The following CCDC141 variants were observed in gnomAD, a reference collection of about 807,000 sequenced individuals.
The protein encoded by CCDC141 is coiled-coil domain containing 141, also known as coiled-coil domain-containing protein 141.
A neutral mutation model predicts 181.0 loss-of-function variants in CCDC141; 168 were observed. The ratio of observed to expected loss-of-function variants is 0.93; its 90% confidence interval spans 0.82 to 1.05. The LOEUF is 1.05. CCDC141 is among the 50% of genes least tolerant of loss of function. The pLI, the probability that CCDC141 is intolerant of heterozygous loss-of-function variation, is 0.00. For missense variants in CCDC141, 1,902 were observed against 1,788.5 expected, an observed-to-expected ratio of 1.06 and a Z score of -1.14; for synonymous variants, 666 against 642.3, an observed-to-expected ratio of 1.04 and a Z score of -0.56.
Position 178,882,582 on chromosome 2 carries a change from AT to A in CCDC141, c.1719+2318del, listed in dbSNP as rs538458666. The stretch of plus-strand genomic sequence containing the variant: ...CAAGGCCATTATTCTCAATGGCTTC[AT>A]TTTTTTTTTCAGGGACGTATGAGTT... On this transcript the variant is annotated intron_variant, in intron 11 of 23. Transcript: ENST00000443758. Among the ~76,000 whole-genome samples, 293 of 149,672 alleles carry A rather than the reference AT, an allele frequency of 2.0e-3. 6 individuals carry two copies. The South Asian group carries it at 0.021, about 10-fold the overall frequency.
chr2:178,909,593 T>C (rs772106878), intron 7 of CCDC141, among the ~76,000 whole-genome samples: 1 of 152,220 alleles, frequency 6.6e-6, no homozygotes, highest in Non-Finnish European at 1.5e-5. Flanking sequence ...ATCTCTCTTA[T>C]TCCCATGCAG....
At position 178,865,826 on chromosome 2, in the gene CCDC141, A is replaced by G; in HGVS notation, c.2665T>C (p.Tyr889His). The G allele has an allele frequency of 1.2e-6, 2 of 1,605,778 alleles. No homozygotes were observed. Among genetic ancestry groups the G allele is most frequent in the South Asian group, 2.2e-5 (2 of 89,768 alleles). Residue 889 changes from tyrosine (Y) to histidine (H), a missense_variant, in exon 17 of 24, where the codon TAT becomes CAT. Physicochemically the swap from Tyr to His is moderately conservative, Grantham distance 83. Coordinates refer to ENST00000443758, the MANE Select transcript of CCDC141 (RefSeq NM_173648.4). ...SMKWRAKAEEYGRTLSRSVEY... is the reference protein window; with the variant it reads ...SMKWRAKAEEHGRTLSRSVEY... ...ACACTACGGGACAGGGTCCGTCCAT[A>G]CTCCTCAGCTTTGGCACGCCACTTC...
At position 179,015,284 on chromosome 2, in the gene CCDC141, C is replaced by CTCATATATCTCATCTATA. The variant is rs1559049283; in HGVS notation, c.225+31999_225+32000insTATAGATGAGATATATGA. On this transcript the variant is annotated intron_variant, in intron 2 of 23. Coordinates refer to ENST00000443758, the MANE Select transcript of CCDC141 (RefSeq NM_173648.4). ...TATATCATATATATCTCATCTATCTCTCATATATCTCATATATGTATCATA... is the reference window on the plus strand; with the variant it reads ...TATATCATATATATCTCATCTATCTCTCATATATCTCATCTATATCATATATCTCATATATGTATCATA... Among the ~76,000 whole-genome samples the CTCATATATCTCATCTATA allele has an allele frequency of 7.2e-5, 8 of 111,784 alleles. 1 individual carries two copies. The highest frequency in any genetic ancestry group is 1.1e-4 in the Non-Finnish European group (6 of 53,792). 73.3% of individuals were successfully genotyped at this position (111,784 alleles called of 152,430 possible). A position where few individuals can be genotyped will look rare whatever the true frequency, so the allele number is the denominator to read the frequency against.
rs71023466 is a variant in CCDC141, at chr2:179,027,646, C to CAAAA, written c.225+19634_225+19637dup. Among the ~76,000 whole-genome samples, 227 of 53,258 alleles carry CAAAA rather than the reference C, an allele frequency of 4.3e-3. 20 individuals carry two copies. The highest frequency in any genetic ancestry group is 0.015 in the African/African-American group (212 of 14,448). The allele number at this position is 53,258 out of a possible 152,430, so 34.9% of individuals were successfully genotyped here. A position where few individuals can be genotyped will look rare whatever the true frequency, so the allele number is the denominator to read the frequency against. On this transcript the variant is annotated intron_variant, in intron 2 of 23. Transcript: ENST00000443758. ...GGCAACAGAGTGAGACTCTTACTCT[C>CAAAA]AAAAAAAAAAAAAAAAAAAAAAAAA...
At chr2:178,918,948 T>C in intron 6 of CCDC141, 41 bp from the exon 7 acceptor site, 1 of 1,501,412 alleles carries the variant, frequency 6.7e-7, no homozygotes, top group South Asian at 1.3e-5. Flanking sequence ...ATCTCCTCTG[T>C]TATGGACCGA....
intron 2 of CCDC141, among the ~76,000 whole-genome samples, chr2:179,041,997 A>G (rs2043321657): frequency 6.6e-6 from 1 of 152,192 alleles, no homozygotes; most frequent in South Asian, 2.1e-4. Flanking sequence ...ACAATATTAG[A>G]TCATTGACAG....
intron 2 of CCDC141, among the ~76,000 whole-genome samples, chr2:179,030,685 AAT>A (rs2042976547): frequency 6.6e-6 from 1 of 152,120 alleles, no homozygotes; most frequent in Admixed American, 6.5e-5. Flanking sequence ...AAATAATTGG[AAT>A]AGTTACTACA....
intron 2 of CCDC141, among the ~76,000 whole-genome samples, chr2:178,979,711 G>A (rs1354878472): frequency 6.6e-6 from 1 of 152,144 alleles, no homozygotes; most frequent in East Asian, 1.9e-4. Context: ...AAAAATCACT[G>A]ATGCTTTAAA....
At chr2:178,893,838 C>A (rs1687280045) in intron 8 of CCDC141, among the ~76,000 whole-genome samples, 1 of 151,890 alleles carries the variant, frequency 6.6e-6, no homozygotes, top group Admixed American at 6.6e-5. Context: ...CACACACACA[C>A]ACACACACAC....
At chr2:178,910,889 A>C (rs1688190824) in intron 7 of CCDC141, among the ~76,000 whole-genome samples, 1 of 152,224 alleles carries the variant, frequency 6.6e-6, no homozygotes, top group African/African-American at 2.4e-5. Context: ...ACTGGAATAA[A>C]AGAGGTTTGG....
intron 5 of CCDC141, among the ~76,000 whole-genome samples, chr2:178,957,288 T>TC (rs1690202962): frequency 6.6e-6 from 1 of 152,230 alleles, no homozygotes; most frequent in African/African-American, 2.4e-5. Flanking sequence ...TGCACTTATT[T>TC]CATTTAATCC....
intron 2 of CCDC141, among the ~76,000 whole-genome samples, chr2:179,009,426 T>C (rs1158216158): frequency 6.6e-6 from 1 of 152,130 alleles, no homozygotes; most frequent in African/African-American, 2.4e-5. Context: ...TGAAGGCTGT[T>C]GTTCAGATTC....
intron 20 of CCDC141, among the ~76,000 whole-genome samples, chr2:178,853,217 A>G (rs1316443447): frequency 6.6e-6 from 1 of 152,230 alleles, no homozygotes; most frequent in Non-Finnish European, 1.5e-5. Flanking sequence ...GAAGGCTTAC[A>G]CAAAGTAGGT....
At chr2:178,816,340 A>G in the CCDC141 span, among the ~76,000 whole-genome samples, 3 of 152,332 alleles carry the variant, frequency 2.0e-5, no homozygotes, top group Admixed American at 6.5e-5. Flanking sequence ...AGCAATATGC[A>G]TTTAAGATTC....
At chr2:178,902,079 C>G (rs967116462) in intron 8 of CCDC141, among the ~76,000 whole-genome samples, 2 of 152,064 alleles carry the variant, frequency 1.3e-5, no homozygotes, top group African/African-American at 2.4e-5. Context: ...AGGAGAACTA[C>G]AAACCACTGC....
intron 2 of CCDC141, among the ~76,000 whole-genome samples, chr2:179,007,406 T>C (rs1032193663): frequency 1.3e-5 from 2 of 152,214 alleles, no homozygotes; most frequent in Non-Finnish European, 2.9e-5. Flanking sequence ...ATTGAAATCT[T>C]TAAATCACCT....
intron 2 of CCDC141, among the ~76,000 whole-genome samples, chr2:179,022,918 G>T (rs1427805562): frequency 6.6e-6 from 1 of 152,076 alleles, no homozygotes; most frequent in Non-Finnish European, 1.5e-5. Context: ...ATTGCTAACT[G>T]AGTGGTCCTT....
At chr2:178,999,106 T>C (rs1192729529) in intron 2 of CCDC141, among the ~76,000 whole-genome samples, 2 of 152,172 alleles carry the variant, frequency 1.3e-5, no homozygotes, top group Non-Finnish European at 2.9e-5. Flanking sequence ...AACCACTGTC[T>C]ACTAACTTAT....
At chr2:178,949,077 T>C (rs1689846027) in intron 5 of CCDC141, among the ~76,000 whole-genome samples, 1 of 152,182 alleles carries the variant, frequency 6.6e-6, no homozygotes, top group Non-Finnish European at 1.5e-5. Flanking sequence ...TTTCTTTGCA[T>C]GTCTTGTTCA....
Sources: gnomAD v4.1 joint callset for allele counts (sites outside exome capture counted in the v4.1 genomes callset) on GRCh38, gnomAD v4.1.1 for gene constraint, MANE v1.5 for transcripts, NCBI Gene and HGNC (gene_info 2026-07-23, HGNC 2026-07-21) for gene names.